The following PLCD1 variants were observed in gnomAD, a reference collection of about 807,000 sequenced individuals.
The protein encoded by PLCD1 is phospholipase C delta 1, also known as 1-phosphatidylinositol 4,5-bisphosphate phosphodiesterase delta-1.
In PLCD1, 71 loss-of-function variants were observed where a neutral mutation model predicts 87.4. The observed-to-expected ratio is 0.81, with a 90% CI of 0.67 to 0.99. PLCD1 has a LOEUF of 0.99. Among genes scored for constraint, PLCD1 ranks in the 50% least tolerant of loss-of-function variants. The pLI is 0.00. For missense variants in PLCD1, 867 were observed against 1,001.5 expected (o/e 0.87, Z 1.81); for synonymous variants, 348 against 399.2 (o/e 0.87, Z 1.53).
chr3:38,008,156 G>C lies in PLCD1; in HGVS notation c.2043C>G (p.Asn681Lys). 6.2e-7 allele frequency: 1 copy of C among 1,613,788 alleles called. No homozygotes were observed. Residue 681 changes from asparagine to lysine, a missense_variant, in exon 14 of 15, where the codon AAC becomes AAG. Coordinates refer to ENST00000334661, the MANE Select transcript of PLCD1 (RefSeq NM_006225.4). ...QTAVITNNGF[N>K]PWWDTEFAFE... ...ACGCAAACTCCGTGTCCCACCATGGGTTGAAACCTAGGGGGACAGGCACCA... is the reference window on the plus strand; with the variant it reads ...ACGCAAACTCCGTGTCCCACCATGGCTTGAAACCTAGGGGGACAGGCACCA...
chr3:38,012,661 C>T (rs181671292), intron 3 of PLCD1, among the ~76,000 whole-genome samples: 107 of 152,014 alleles, frequency 7.0e-4, no homozygotes, highest in African/African-American at 1.9e-3. Flanking sequence ...GGATTACAGG[C>T]GTATGCTACC....
chr3:38,010,644 C>T, intron 5 of PLCD1, 82 bp from the exon 6 acceptor site: 7 of 1,135,692 alleles, frequency 6.2e-6, no homozygotes, highest in Non-Finnish European at 9.0e-6. Context: ...ACAGAGGAGC[C>T]CTCTGAACCC....
At chr3:38,016,864 G>C (rs1700164576) in intron 2 of PLCD1, 145 bp from the exon 3 acceptor site, 1 of 709,616 alleles carries the variant, frequency 1.4e-6, no homozygotes, top group Non-Finnish European at 2.5e-6. Context: ...AGTCCAGAAG[G>C]AAAGGAGAGG....
At chr3:38,014,019 G>A (rs1156860703) in intron 3 of PLCD1, among the ~76,000 whole-genome samples, 4 of 152,028 alleles carry the variant, frequency 2.6e-5, no homozygotes, top group African/African-American at 9.7e-5. Flanking sequence ...TAAAGAAATT[G>A]TTTAAGTGCA....
In PLCD1 at chr3:38,011,315, A is replaced by G. The variant is rs1180486213; in HGVS notation, c.689T>C (p.Val230Ala). ...CTGCAGGAACGTCACTAACTGATCC[A>G]CCGACAGAGTCTCCCCTGAGCCCGC... ...EAAGSGETLSVDQLVTFLQHQ... is the reference protein window; with the variant it reads ...EAAGSGETLSADQLVTFLQHQ... Residue 230 changes from valine to alanine, a missense_variant, in exon 5 of 15, where the codon GTG (valine) becomes GCG (alanine). Transcript: ENST00000334661. 1.9e-6 allele frequency: 3 copies of G among 1,612,052 alleles called. No homozygotes were observed. Among genetic ancestry groups the G allele is most frequent in the African/African-American group, 1.3e-5 (1 of 74,880 alleles).
At chr3:38,028,912 G>A (rs369103258) in intron 1 of PLCD1, among the ~76,000 whole-genome samples, 27 of 152,398 alleles carry the variant, frequency 1.8e-4, no homozygotes, top group African/African-American at 6.3e-4. Flanking sequence ...CCCGAGGAGG[G>A]TCGCAGATGA....
intron 8 of PLCD1, 39 bp downstream of exon 8, chr3:38,009,865 C>T (rs1172033055): frequency 3.7e-6 from 6 of 1,600,024 alleles, no homozygotes; most frequent in Non-Finnish European, 5.1e-6. Context: ...GGCTAGGCTC[C>T]CCACCCTCCC....
rs916967836 is a variant in PLCD1, at chr3:38,025,243, C to G, written c.34+4263G>C. On this transcript the variant is annotated intron_variant, in intron 1 of 14. Coordinates refer to ENST00000334661, the MANE Select transcript of PLCD1 (RefSeq NM_006225.4). The surrounding 1 kb of genome is among the most constrained non-coding windows in gnomAD (Gnocchi z 4.0). ...CTTTGGAGGCGGTGCGGGGGCGGAG[C>G]CAGGGTCCGGGAGGCAGTGTGGGCG... 6.6e-6 allele frequency among the ~76,000 whole-genome samples: 1 copy of G among 152,196 alleles called. No individual in the cohort carries two copies. Among genetic ancestry groups the G allele is most frequent in the African/African-American group, 2.4e-5 (1 of 41,450 alleles).
intron 3 of PLCD1, among the ~76,000 whole-genome samples, chr3:38,014,161 C>T (rs577741484): frequency 7.9e-5 from 12 of 152,202 alleles, no homozygotes; most frequent in South Asian, 6.2e-4. Flanking sequence ...TTGATCTATA[C>T]ATTCAATATA....
In PLCD1 at chr3:38,009,318, C is replaced by T. The variant is rs149202703; in HGVS notation, c.1560G>A (p.Met520Ile). ...PGTPGQAFYE[M>I]ASFSENRALR... ...GGGCACGGTTCTCAGAGAAGGACGC[C>T]ATCTCGTAGAAGGCCTGTCCAGGGG... Residue 520 changes from methionine to isoleucine, a missense_variant, in exon 10 of 15, where the codon ATG becomes ATA. Physicochemically the swap from Met to Ile is conservative, Grantham distance 10. Coordinates refer to ENST00000334661, the MANE Select transcript of PLCD1 (RefSeq NM_006225.4). 1.2e-6 allele frequency: 2 copies of T among 1,614,178 alleles called. No homozygotes were observed. The highest frequency in any genetic ancestry group is 2.7e-5 in the African/African-American group (2 of 75,032).
In PLCD1 at chr3:38,020,189, C is replaced by T. The variant is rs752285300; in HGVS notation, c.198G>A (p.Leu66=). ...RKVMRTPESQ[L]FSIEDIQEVR... is the part of the protein sequence containing the mutation. ...CCCCTGTGACCCCAGGGCACTCACA[C>T]AGCTGGGACTCCGGGGTCCGCATGA... Residue 66 remains leucine (L), a splice_region_variant and synonymous_variant, in exon 2 of 15, where the codon CTG becomes CTA. Coordinates refer to ENST00000334661, the MANE Select transcript of PLCD1 (RefSeq NM_006225.4). 1.9e-6 allele frequency: 3 copies of T among 1,613,756 alleles called. No homozygotes were observed. The highest frequency in any genetic ancestry group is 8.5e-7 in the Non-Finnish European group (1 of 1,179,792).
At chr3:38,021,584 TAC>T (rs1559377322) in intron 1 of PLCD1, among the ~76,000 whole-genome samples, 2 of 152,178 alleles carry the variant, frequency 1.3e-5, no homozygotes, top group Non-Finnish European at 2.9e-5. Flanking sequence ...ACTGGTGTAA[TAC>T]AGAAACATCT....
chr3:38,007,803 G>A lies in PLCD1; in HGVS notation c.2241C>T (p.Thr747=). Residue 747 remains threonine (T), a synonymous_variant, in exon 15 of 15, where the codon ACC becomes ACT. Transcript: ENST00000334661. ...CCTGGAGGGAGATCTTCACAAAGAG[G>A]GTGGCTGATGGATGCTGGTCCCCGT... ...SKNGDQHPSA[T]LFVKISLQD is the part of the protein sequence containing the mutation. The A allele has an allele frequency of 6.2e-7, 1 of 1,614,180 alleles. No homozygotes were observed. The highest frequency in any genetic ancestry group is 8.5e-7 in the Non-Finnish European group (1 of 1,179,998).
At position 38,010,152 on chromosome 3, in the gene PLCD1, G is replaced by A. The variant is rs769670753; in HGVS notation, c.1116C>T (p.Ala372=). 2 of 1,614,246 alleles carry A rather than the reference G, an allele frequency of 1.2e-6. No individual in the cohort carries two copies. Among genetic ancestry groups the A allele is most frequent in the East Asian group, 2.2e-5 (1 of 44,878 alleles). Residue 372 remains alanine (A), a synonymous_variant, in exon 7 of 15, where the codon GCC becomes GCT. Transcript: ENST00000334661. Reference sequence around the variant, plus strand: ...CCACCTTGAAGGCATAGTCCCGGATGGCCCTGAGCACATCGCAGAAGAGGA... The same window carrying A: ...CCACCTTGAAGGCATAGTCCCGGATAGCCCTGAGCACATCGCAGAAGAGGA... The part of the protein sequence containing the change: ...SKILFCDVLR[A]IRDYAFKASP...
rs775730787 is a variant in PLCD1 at position 38,007,751 on chromosome 3, G to T, written c.*22C>A. 2.5e-5 allele frequency: 40 copies of T among 1,587,348 alleles called. No homozygotes were observed. The highest frequency in any genetic ancestry group is 3.4e-5 in the Non-Finnish European group (39 of 1,155,776). On this transcript the variant is annotated 3_prime_UTR_variant, in exon 15 of 15. Transcript: ENST00000334661. Reference sequence around the variant, plus strand: ...CAGAGGGCCCAGCCCACTCAGGGGGGACCCCACTGGCTTCCTCCAGCCTAG... The same window carrying T: ...CAGAGGGCCCAGCCCACTCAGGGGGTACCCCACTGGCTTCCTCCAGCCTAG...
chr3:38,012,376 G>A (rs1042141930), intron 3 of PLCD1, among the ~76,000 whole-genome samples: 15 of 151,992 alleles, frequency 9.9e-5, no homozygotes, highest in African/African-American at 3.6e-4. Flanking sequence ...CTGCTGAATA[G>A]CCTTCAGCAC....
At chr3:38,016,249 A>G (rs915091942) in intron 3 of PLCD1, among the ~76,000 whole-genome samples, 11 of 152,312 alleles carry the variant, frequency 7.2e-5, no homozygotes, top group African/African-American at 2.6e-4. Context: ...ACACAGCAAG[A>G]AGACAGTCAT....
intron 1 of PLCD1, 74 bp downstream of exon 1, chr3:38,029,432 T>TGTCC: frequency 7.3e-7 from 1 of 1,361,334 alleles, no homozygotes; most frequent in Non-Finnish European, 1.0e-6. Flanking sequence ...GGGGGCTCCC[T>TGTCC]GTCCAGGGCC....
intron 1 of PLCD1, among the ~76,000 whole-genome samples, chr3:38,028,473 G>C (rs970759884): frequency 1.3e-5 from 2 of 152,212 alleles, no homozygotes; most frequent in African/African-American, 4.8e-5. Context: ...GGGGACTCTA[G>C]TGGAAGGCTA....
Sources: gnomAD v4.1 joint callset for allele counts (sites outside exome capture counted in the v4.1 genomes callset) on GRCh38, gnomAD v4.1.1 for gene constraint, Gnocchi (gnomAD v3.1) non-coding constraint, MANE v1.5 for transcripts, NCBI Gene and HGNC (gene_info 2026-07-23, HGNC 2026-07-21) for gene names.